Variants in AKAP6 observed in about 807,000 individuals in gnomAD.
AKAP6 encodes A-kinase anchor protein 6.
A neutral mutation model predicts 188.5 loss-of-function variants in AKAP6; 58 were observed. The ratio of observed to expected loss-of-function variants is 0.31; its 90% CI spans 0.25 to 0.38. The LOEUF (loss-of-function observed/expected upper bound fraction) is 0.38, where lower values mean the gene tolerates loss of function less well. Among genes scored for constraint, AKAP6 ranks in the 10% least tolerant of loss-of-function variants. The probability of loss-of-function intolerance (pLI) is 1.00; values close to 1 mark genes in which losing one functional copy is unlikely to be tolerated. For missense variants in AKAP6, 2,710 were observed against 2,740.0 expected, an observed-to-expected ratio of 0.99 and a Z score of 0.24; for synonymous variants, 989 against 998.6, an observed-to-expected ratio of 0.99 and a Z score of 0.18.
At position 32,786,296 on chromosome 14, in the gene AKAP6, A is replaced by ATTTTTTTTTTTTTTTTTTTT; in HGVS notation, c.3588+12404_3588+12405insTTTTTTTTTTTTTTTTTTTT. 2.1e-5 allele frequency among the ~76,000 whole-genome samples: 2 copies of ATTTTTTTTTTTTTTTTTTTT among 93,706 alleles called. 1 individual carries two copies. The highest frequency in any genetic ancestry group is 4.1e-5 in the Non-Finnish European group (2 of 48,582). 61.5% of individuals were successfully genotyped at this position (93,706 alleles called of 152,430 possible). On this transcript the variant is annotated intron_variant, in intron 12 of 13. Transcript: ENST00000280979. ...AGCCCTCTGAAAGACCTAAACCTTT[A>ATTTTTTTTTTTTTTTTTTTT]TCTTTTTTTTTTTTTTTTTTTTTTT... is the stretch of plus-strand genomic sequence containing the variant.
rs1566546701 is a variant in AKAP6 at position 32,510,436 on chromosome 14, G to GTGTATATATATATACATATA, written c.325-25116_325-25097dup. 6.9e-3 allele frequency among the ~76,000 whole-genome samples: 205 copies of GTGTATATATATATACATATA among 29,740 alleles called. 3 individuals carry two copies. The highest frequency in any genetic ancestry group is 0.025 in the African/African-American group (174 of 6,960). The allele number at this position is 29,740 out of a possible 152,430, so 19.5% of individuals were successfully genotyped here. ...TATGTATATATATACATATATATAT[G>GTGTATATATATATACATATA]TGTATATATATATACATATATATGT... On this transcript the variant is annotated intron_variant, in intron 2 of 13. Coordinates refer to ENST00000280979, the MANE Select transcript of AKAP6 (RefSeq NM_004274.5).
chr14:32,481,639 A>G (rs2138901970), intron 2 of AKAP6, among the ~76,000 whole-genome samples: 1 of 152,250 alleles, frequency 6.6e-6, no homozygotes, highest in Middle Eastern at 3.4e-3. Context: ...TGCCCCCATG[A>G]TTCAATTACC....
chr14:32,360,710 T>TGA (rs1178279584), intron 1 of AKAP6, among the ~76,000 whole-genome samples: 11 of 120,302 alleles, frequency 9.1e-5, no homozygotes, highest in Non-Finnish European at 1.7e-4. Flanking sequence ...TTTTGGCCAT[T>TGA]GAGTGTGTGT....
intron 5 of AKAP6, among the ~76,000 whole-genome samples, chr14:32,594,761 A>G (rs1885624219): frequency 6.6e-6 from 1 of 152,194 alleles, no homozygotes; most frequent in Non-Finnish European, 1.5e-5. Context: ...TGCCCTTGTA[A>G]AAAGGCAAGT....
At chr14:32,389,487 G>A (rs570735077) in intron 1 of AKAP6, among the ~76,000 whole-genome samples, 1 of 152,120 alleles carries the variant, frequency 6.6e-6, no homozygotes, top group South Asian at 2.1e-4. Flanking sequence ...TGTGTTTCCA[G>A]GATTTGTTTC....
At chr14:32,422,367 G>C (rs992467424) in intron 1 of AKAP6, among the ~76,000 whole-genome samples, 8 of 152,150 alleles carry the variant, frequency 5.3e-5, no homozygotes, top group African/African-American at 1.9e-4. Flanking sequence ...ACTCAGGAAA[G>C]TGCTATTACT....
intron 2 of AKAP6, among the ~76,000 whole-genome samples, chr14:32,506,035 C>T (rs1026893760): frequency 6.6e-6 from 1 of 151,448 alleles, no homozygotes; most frequent in Non-Finnish European, 1.5e-5. Flanking sequence ...TCAAGCTACG[C>T]GGGAGGCTGA....
At chr14:32,798,084 G>A (rs943515002) in intron 12 of AKAP6, among the ~76,000 whole-genome samples, 2 of 151,952 alleles carry the variant, frequency 1.3e-5, no homozygotes, top group African/African-American at 4.8e-5. Flanking sequence ...ATGAGCAAAG[G>A]ACATGAACAG....
At chr14:32,781,851 T>C (rs1200881403) in intron 12 of AKAP6, among the ~76,000 whole-genome samples, 1 of 151,970 alleles carries the variant, frequency 6.6e-6, no homozygotes, top group Non-Finnish European at 1.5e-5. Flanking sequence ...TCCTTCCTGA[T>C]AAAAACTCTC....
At chr14:32,633,087 T>C (rs975168206) in intron 7 of AKAP6, among the ~76,000 whole-genome samples, 8 of 152,142 alleles carry the variant, frequency 5.3e-5, no homozygotes, top group Non-Finnish European at 1.2e-4. Context: ...TTTTTTCTAA[T>C]TTAATTTCAT....
At chr14:32,610,323 T>C (rs2139381481) in intron 7 of AKAP6, among the ~76,000 whole-genome samples, 1 of 152,326 alleles carries the variant, frequency 6.6e-6, no homozygotes, top group South Asian at 2.1e-4. Flanking sequence ...TTCTTAATTC[T>C]TCTAGTTTAC....
At chr14:32,529,963 CTTTT>C (rs11305618) in intron 2 of AKAP6, among the ~76,000 whole-genome samples, 3,777 of 62,026 alleles carry the variant, frequency 0.061, 203 homozygotes, top group African/African-American at 0.18. Flanking sequence ...GGTAAAGAAA[CTTTT>C]TTTTTTTTTT....
intron 12 of AKAP6, among the ~76,000 whole-genome samples, chr14:32,800,133 T>TATATATACACAC (rs2033899651): frequency 7.1e-6 from 1 of 140,840 alleles, no homozygotes; most frequent in Admixed American, 7.3e-5. Context: ...TATACACACA[T>TATATATACACAC]ATATATACAC....
chr14:32,514,316 G>C (rs900474541), intron 2 of AKAP6, among the ~76,000 whole-genome samples: 5 of 152,196 alleles, frequency 3.3e-5, no homozygotes, highest in Non-Finnish European at 2.9e-5. Flanking sequence ...CAGACATACT[G>C]TAGTTGTTTA....
Position 32,631,891 on chromosome 14 carries a change from T to C in AKAP6, c.2730+31099T>C, listed in dbSNP as rs115917308. On this transcript the variant is annotated intron_variant, in intron 7 of 13. Transcript: ENST00000280979. ...CATGGTGACATGTAGTAGATCATTA[T>C]AATACCAAAGAAGGCTTTTTGGACC... Among the ~76,000 whole-genome samples the C allele has an allele frequency of 3.3e-3, 495 of 152,204 alleles. 2 individuals are homozygous for C. Among genetic ancestry groups the C allele is most frequent in the African/African-American group, 0.011 (449 of 41,570 alleles).
chr14:32,519,243 C>T (rs1311499103), intron 2 of AKAP6, among the ~76,000 whole-genome samples: 6 of 152,124 alleles, frequency 3.9e-5, no homozygotes, highest in Admixed American at 3.3e-4. Flanking sequence ...CAAAAACATG[C>T]CAAATTGTAA....
rs138871657 is a variant in AKAP6 at position 32,821,927 on chromosome 14, A to G, written c.4114A>G (p.Thr1372Ala). Residue 1372 changes from threonine to alanine, a missense_variant, in exon 13 of 14, where the codon ACA becomes GCA. Thr to Ala is a moderately conservative substitution (Grantham distance 58, BLOSUM62 0). Around this residue, in one of 2 missense-constraint regions of AKAP6, gnomAD observed 2,473 missense variants for 2,426.1 expected, o/e 1.02. Coordinates refer to ENST00000280979, the MANE Select transcript of AKAP6 (RefSeq NM_004274.5). ...SESGIVSEGD[T>A]ETTTNSEMCL... ...GAGTGGAATTGTCAGTGAAGGAGAC[A>G]CAGAAACCACTACCAACTCTGAAAT... is the stretch of plus-strand genomic sequence containing the variant. The G allele has an allele frequency of 5.0e-6, 8 of 1,613,810 alleles. No homozygotes were observed. The highest frequency in any genetic ancestry group is 2.2e-5 in the East Asian group (1 of 44,886).
chr14:32,728,819 C>CT (rs1227127399), intron 9 of AKAP6, among the ~76,000 whole-genome samples: 1 of 152,030 alleles, frequency 6.6e-6, no homozygotes, highest in Admixed American at 6.6e-5. Flanking sequence ...ATCATGCTGC[C>CT]TTTTTTCTTT....
chr14:32,367,521 A>G (rs964278802), intron 1 of AKAP6, among the ~76,000 whole-genome samples: 7 of 152,238 alleles, frequency 4.6e-5, no homozygotes, highest in Admixed American at 1.3e-4. Flanking sequence ...TTTCTTTGTT[A>G]TTATCAAAAG....
Sources: allele counts gnomAD v4.1 joint callset (sites outside exome capture counted in the v4.1 genomes callset), GRCh38; gene constraint gnomAD v4.1.1; regional missense constraint gnomAD v4.1.1; transcripts MANE v1.5; gene names NCBI Gene and HGNC (gene_info 2026-07-23, HGNC 2026-07-21).